Variants in SHMT2 observed in about 807,000 individuals in gnomAD.
The protein encoded by SHMT2 is serine hydroxymethyltransferase 2, also known as serine hydroxymethyltransferase, mitochondrial.
A neutral mutation model predicts 59.6 loss-of-function variants in SHMT2; 38 were observed. That is an observed-to-expected ratio of 0.64 (90% CI 0.49 to 0.84). The LOEUF is 0.84. Ranked by LOEUF, SHMT2 falls within the 40% of genes least tolerant of loss-of-function variation. The pLI, the probability that SHMT2 is intolerant of heterozygous loss-of-function variation, is 0.00. For missense variants in SHMT2, 533 were observed against 659.5 expected (o/e 0.81, Z 2.10); for synonymous variants, 254 against 258.1 (o/e 0.98, Z 0.15).
In SHMT2 at chr12:57,231,579, T is replaced by C; in HGVS notation, c.311+19T>C. ...GCAAGAGGTGAGGGCTGGAGGGCAG[T>C]GTCAGGGATGGTGCTCCCAGTGGGG... is the stretch of plus-strand genomic sequence containing the variant. On this transcript the variant is annotated intron_variant, in intron 3 of 11. Transcript: ENST00000328923. 3.7e-6 allele frequency: 6 copies of C among 1,614,004 alleles called. No individual in the cohort carries two copies. Among genetic ancestry groups the C allele is most frequent in the Non-Finnish European group, 5.1e-6 (6 of 1,179,860 alleles).
chr12:57,233,071 A>T, intron 7 of SHMT2, 109 bp from the exon 8 acceptor site: 1 of 1,343,868 alleles, frequency 7.4e-7, no homozygotes, highest in Non-Finnish European at 1.0e-6. Context: ...CAGTGTACCA[A>T]GCCCACGTGA....
chr12:57,230,689 C>T (rs1209202005), intron 1 of SHMT2, 114 bp from the exon 2 acceptor site: 1 of 1,491,628 alleles, frequency 6.7e-7, no homozygotes. Context: ...AGAACTGAAA[C>T]AGGCTGGCTG....
Position 57,231,752 on chromosome 12 carries a change from G to C in SHMT2, c.351G>C (p.Leu117=), listed in dbSNP as rs745814583. 6 of 1,614,086 alleles carry C rather than the reference G, an allele frequency of 3.7e-6. No homozygotes were observed. Among genetic ancestry groups the C allele is most frequent in the African/African-American group, 1.3e-5 (1 of 74,934 alleles). Residue 117 remains leucine (L), a synonymous_variant, in exon 4 of 12, where the codon CTG becomes CTC. Transcript: ENST00000328923. ...GGAEVVDEIE[L]LCQRRALEAF... is the part of the protein sequence containing the mutation. ...CAGAGGTGGTGGATGAAATTGAGCT[G>C]CTGTGCCAGCGCCGGGCCTTGGAAG...
At chr12:57,230,726 A>C in intron 1 of SHMT2, 77 bp from the exon 2 acceptor site, 1 of 1,552,042 alleles carries the variant, frequency 6.4e-7, no homozygotes, top group Non-Finnish European at 8.7e-7. Context: ...GTGTGGCCTT[A>C]GAAGCATGAG....
chr12:57,229,933 G>A, intron 1 of SHMT2, 122 bp downstream of exon 1: 3 of 1,501,856 alleles, frequency 2.0e-6, no homozygotes, highest in Non-Finnish European at 2.7e-6. Context: ...TGGGGCCTCA[G>A]GGAGCGGACG....
In SHMT2 at chr12:57,233,894, C is replaced by T. The variant is rs1229836288; in HGVS notation, c.1269C>T (p.Gly423=). 8.1e-6 allele frequency: 13 copies of T among 1,614,074 alleles called. No individual in the cohort carries two copies. Among genetic ancestry groups the T allele is most frequent in the African/African-American group, 1.3e-5 (1 of 74,922 alleles). Residue 423 remains glycine, a synonymous_variant, in exon 10 of 12, where the codon GGC becomes GGT. Coordinates refer to ENST00000328923, the MANE Select transcript of SHMT2 (RefSeq NM_005412.6). Reference sequence around the variant, plus strand: ...ACCGAAGTGCCATCACACCGGGCGGCCTGCGGCTTGGTGAGACCTGGGGTT... The same window carrying T: ...ACCGAAGTGCCATCACACCGGGCGGTCTGCGGCTTGGTGAGACCTGGGGTT... ...PGDRSAITPG[G]LRLGAPALTS... is the part of the protein sequence containing the mutation.
Position 57,234,299 on chromosome 12 carries a change from C to G in SHMT2, c.1453C>G (p.Leu485Val). The G allele has an allele frequency of 6.2e-7, 1 of 1,613,848 alleles. No homozygotes were observed. Among genetic ancestry groups the G allele is most frequent in the Non-Finnish European group, 8.5e-7 (1 of 1,179,848 alleles). ...DSETSQRLAN[L>V]RQRVEQFARA... ...AGAAACAAGTCAGCGTCTGGCCAAC[C>G]TCAGGCAACGGGTGGAGCAGTTTGC... Residue 485 changes from leucine (L) to valine (V), a missense_variant, in exon 12 of 12, where the codon CTC becomes GTC. Physicochemically the swap from Leu to Val is conservative, Grantham distance 32. Transcript: ENST00000328923.
chr12:57,234,156 T>C (rs532562384), intron 11 of SHMT2, 46 bp downstream of exon 11: 2 of 1,613,742 alleles, frequency 1.2e-6, no homozygotes, highest in South Asian at 2.2e-5. Flanking sequence ...TCCCACTCAC[T>C]GTCTGCTCCC....
At position 57,230,833 on chromosome 12, in the gene SHMT2, A is replaced by T; in HGVS notation, c.64A>T (p.Met22Leu). Reference protein sequence around the residue: ...PLQRCGQLVRMAIRAQHSNAA... With the variant: ...PLQRCGQLVRLAIRAQHSNAA... The stretch of plus-strand genomic sequence containing the variant: ...GCAGAGATGTGGGCAGCTGGTCAGG[A>T]TGGCCATTCGGGCTCAGCACAGCAA... Residue 22 changes from methionine to leucine, a missense_variant, in exon 2 of 12, where the codon ATG becomes TTG. By Grantham distance (15) the Met-to-Leu change is conservative. Coordinates refer to ENST00000328923, the MANE Select transcript of SHMT2 (RefSeq NM_005412.6). The T allele has an allele frequency of 6.2e-7, 1 of 1,614,096 alleles. No homozygotes were observed. The highest frequency in any genetic ancestry group is 8.5e-7 in the Non-Finnish European group (1 of 1,180,002).
In SHMT2 at chr12:57,231,753, C is replaced by T. The variant is rs779210015; in HGVS notation, c.352C>T (p.Leu118=). 6.8e-6 allele frequency: 11 copies of T among 1,614,182 alleles called. No homozygotes were observed. The highest frequency in any genetic ancestry group is 1.6e-4 in the Middle Eastern group (1 of 6,062). The change falls in exon 4 of 12, where the codon CTG becomes TTG. Residue 118 remains leucine, a synonymous_variant. Coordinates refer to ENST00000328923, the MANE Select transcript of SHMT2 (RefSeq NM_005412.6). ...AGAGGTGGTGGATGAAATTGAGCTG[C>T]TGTGCCAGCGCCGGGCCTTGGAAGC... ...GAEVVDEIEL[L]CQRRALEAFD... is the part of the protein sequence containing the mutation.
intron 2 of SHMT2, 99 bp downstream of exon 2, chr12:57,231,099 C>A: frequency 1.7e-6 from 2 of 1,173,836 alleles, no homozygotes; most frequent in Non-Finnish European, 2.5e-6. Context: ...CTTTCACACT[C>A]AGGACCTTTC....
rs986584274 is a variant in SHMT2, at chr12:57,229,747, G to A, written c.-32G>A. Reference sequence around the variant, plus strand: ...AGCTTGCTGCCCTAGACCAGAGTTGGTGGCTGGACCTCCTGCGACTTCCGA... The same window carrying A: ...AGCTTGCTGCCCTAGACCAGAGTTGATGGCTGGACCTCCTGCGACTTCCGA... On this transcript the variant is annotated 5_prime_UTR_variant, in exon 1 of 12. In the 5' UTR this introduces an upstream ATG that the reference lacks. Transcript: ENST00000328923. The A allele has an allele frequency of 6.2e-7, 1 of 1,614,070 alleles. No individual in the cohort carries two copies. The highest frequency in any genetic ancestry group is 1.3e-5 in the African/African-American group (1 of 75,064).
In SHMT2 at chr12:57,231,598, A is replaced by C. The variant is rs749441303; in HGVS notation, c.311+38A>C. 1.9e-5 allele frequency: 30 copies of C among 1,613,058 alleles called. No homozygotes were observed. In the Admixed American group the frequency reaches 4.8e-4, roughly 26 times the overall value. On this transcript the variant is annotated intron_variant, in intron 3 of 11. Coordinates refer to ENST00000328923, the MANE Select transcript of SHMT2 (RefSeq NM_005412.6). ...GGGCAGTGTCAGGGATGGTGCTCCC[A>C]GTGGGGGAACCCACCTGTACCTTCC...
Position 57,229,911 on chromosome 12 carries a change from A to T in SHMT2, c.33+100A>T, listed in dbSNP as rs914529405. 1.0e-5 allele frequency: 16 copies of T among 1,546,994 alleles called. No individual in the cohort carries two copies. The African/African-American group carries it at 1.6e-4, about 16-fold the overall frequency. On this transcript the variant is annotated intron_variant, in intron 1 of 11. Transcript: ENST00000328923. Reference sequence around the variant, plus strand: ...ACTCTGGGGTTCTCTTGGCTTTTCCATGCACGTGGATTGGGGCCTCAGGGA... The same window carrying T: ...ACTCTGGGGTTCTCTTGGCTTTTCCTTGCACGTGGATTGGGGCCTCAGGGA...
At position 57,233,300 on chromosome 12, in the gene SHMT2, C is replaced by T; in HGVS notation, c.978C>T (p.Gly326=). ...NFAVFPSLQG[G]PHNHAIAAVA... ...CCGTGTTCCCATCCCTGCAGGGGGG[C>T]CCCCACAATCATGCCATTGCTGCAG... The change falls in exon 8 of 12, where the codon GGC becomes GGT. Residue 326 remains glycine, a synonymous_variant. Coordinates refer to ENST00000328923, the MANE Select transcript of SHMT2 (RefSeq NM_005412.6). 1 of 1,600,446 alleles carries T rather than the reference C, an allele frequency of 6.2e-7. No individual in the cohort carries two copies. The highest frequency in any genetic ancestry group is 8.5e-7 in the Non-Finnish European group (1 of 1,174,390).
chr12:57,230,624 T>A (rs930427432), intron 1 of SHMT2, 179 bp from the exon 2 acceptor site: 1 of 1,443,068 alleles, frequency 6.9e-7, no homozygotes, highest in African/African-American at 1.4e-5. Context: ...CCCTTGGACG[T>A]TGATCTCAAG....
intron 8 of SHMT2, 30 bp downstream of exon 8, chr12:57,233,375 G>C (rs761907895): frequency 3.1e-5 from 48 of 1,566,042 alleles, no homozygotes; most frequent in Non-Finnish European, 4.1e-5. Flanking sequence ...TAGGGTGTGG[G>C]GGGGCAATGG....
At chr12:57,232,108 C>A in intron 4 of SHMT2, 103 bp from the exon 5 acceptor site, 2 of 1,213,344 alleles carry the variant, frequency 1.6e-6, no homozygotes, top group Non-Finnish European at 1.2e-6. Context: ...GGCGGTGTGT[C>A]CTAGGACTGG....
At chr12:57,233,536 T>C in intron 8 of SHMT2, 27 bp from the exon 9 acceptor site, 1 of 1,599,834 alleles carries the variant, frequency 6.3e-7, no homozygotes, top group Non-Finnish European at 8.5e-7. Flanking sequence ...AGGCCTAGGG[T>C]GACAGCTGCT....
Sources: allele counts gnomAD v4.1 joint callset, GRCh38; gene constraint gnomAD v4.1.1; transcripts MANE v1.5; gene names NCBI Gene and HGNC (gene_info 2026-07-23, HGNC 2026-07-21).